ARHGEF3: variants seen among roughly 807,000 people sequenced by gnomAD.
ARHGEF3 encodes Rho guanine nucleotide exchange factor 3.
Under a neutral mutation model 63.2 loss-of-function variants are expected in ARHGEF3, and 28 were observed. The observed-to-expected ratio is 0.44, with a 90% CI of 0.33 to 0.61. The LOEUF is 0.61. Among genes scored for constraint, ARHGEF3 ranks in the 20% least tolerant of loss-of-function variants. ARHGEF3 has a pLI of 0.03. For synonymous variants in ARHGEF3, 266 were observed against 254.2 expected (o/e 1.05, Z -0.44); for missense variants, 533 against 659.3 (o/e 0.81, Z 2.10).
intron 1 of ARHGEF3, among the ~76,000 whole-genome samples, chr3:57,067,267 C>G (rs1035849356): frequency 6.6e-6 from 1 of 151,504 alleles, no homozygotes; most frequent in African/African-American, 2.4e-5. Context: ...CTGGCTAACA[C>G]GGTGAAACCC....
intron 3 of ARHGEF3, among the ~76,000 whole-genome samples, chr3:56,928,112 C>T (rs1161371224): frequency 4.6e-5 from 7 of 152,136 alleles, no homozygotes; most frequent in Admixed American, 4.6e-4. Flanking sequence ...GAGTATTAAC[C>T]AACATGTGTG....
chr3:56,732,964 A>G (rs973615607), intron 8 of ARHGEF3, among the ~76,000 whole-genome samples: 1 of 152,064 alleles, frequency 6.6e-6, no homozygotes, highest in Non-Finnish European at 1.5e-5. Flanking sequence ...GCTGGCCAAC[A>G]TGGTGAAACC....
At chr3:56,774,730 T>A (rs1254711384) in intron 1 of ARHGEF3, among the ~76,000 whole-genome samples, 1 of 151,896 alleles carries the variant, frequency 6.6e-6, no homozygotes, top group Non-Finnish European at 1.5e-5. Context: ...TGAAACTACA[T>A]CTCTACTAAA....
At chr3:56,967,929 A>T (rs191872470) in intron 2 of ARHGEF3, among the ~76,000 whole-genome samples, 8,698 of 71,692 alleles carry the variant, frequency 0.12, 601 homozygotes, top group East Asian at 0.24. Context: ...TATTATATAT[A>T]ATATAAAATA....
chr3:57,007,034 G>A (rs1377682009), intron 2 of ARHGEF3: 1 of 659,528 alleles, frequency 1.5e-6, no homozygotes, highest in Non-Finnish European at 2.1e-6. Context: ...CGCTCCTGGG[G>A]CGATGGTCAC....
chr3:56,999,483 G>A (rs150783785), intron 2 of ARHGEF3, among the ~76,000 whole-genome samples: 4 of 152,166 alleles, frequency 2.6e-5, no homozygotes, highest in East Asian at 3.9e-4. Context: ...TATAACCTTC[G>A]TGAAGTGGGA....
At chr3:57,012,970 C>A (rs1460383946) in intron 2 of ARHGEF3, among the ~76,000 whole-genome samples, 2 of 152,238 alleles carry the variant, frequency 1.3e-5, no homozygotes, top group Non-Finnish European at 2.9e-5. Flanking sequence ...AGGCCCTGCA[C>A]TCCTGCTGGC....
chr3:56,954,519 T>A (rs1382494441), intron 3 of ARHGEF3, among the ~76,000 whole-genome samples: 1 of 152,180 alleles, frequency 6.6e-6, no homozygotes, highest in African/African-American at 2.4e-5. Context: ...GGTTTTCTCC[T>A]ACTGTTCCTT....
At chr3:56,997,489 C>T (rs1348336862) in intron 2 of ARHGEF3, among the ~76,000 whole-genome samples, 2 of 152,096 alleles carry the variant, frequency 1.3e-5, no homozygotes, top group African/African-American at 4.8e-5. Flanking sequence ...GCAAACTCTG[C>T]CCCCCTAAGA....
chr3:57,006,743 C>T (rs1267239996), intron 2 of ARHGEF3, among the ~76,000 whole-genome samples: 1 of 151,964 alleles, frequency 6.6e-6, no homozygotes, highest in Non-Finnish European at 1.5e-5. Context: ...GCTCTCGACA[C>T]CCCCCCAAAC....
chr3:57,070,905 G>A (rs561796554), intron 1 of ARHGEF3, among the ~76,000 whole-genome samples: 2 of 149,816 alleles, frequency 1.3e-5, no homozygotes, highest in Non-Finnish European at 3.0e-5. Context: ...CCAGGAGGTC[G>A]AGGCTACAGT....
chr3:57,073,677 G>GC (rs1242578934), intron 1 of ARHGEF3: 2 of 1,599,712 alleles, frequency 1.3e-6, no homozygotes, highest in Admixed American at 3.5e-5. Flanking sequence ...GGAGAATTCT[G>GC]TTTTTGACTT....
At position 56,728,672 on chromosome 3, in the gene ARHGEF3, G is replaced by C. The variant is rs573969220; in HGVS notation, c.*598C>G. The C allele has an allele frequency of 6.5e-6, 1 of 152,766 alleles. No homozygotes were observed. Among genetic ancestry groups the C allele is most frequent in the South Asian group, 2.1e-4 (1 of 4,844 alleles). 9.5% of individuals were successfully genotyped at this position (152,766 alleles called of 1,614,324 possible). On this transcript the variant is annotated 3_prime_UTR_variant, in exon 10 of 10. Transcript: ENST00000296315. ...TTCTTGCATCAAACTTGCACTGGAT[G>C]AAGTTGCAAAGTTCAGACAATGCAT... is the stretch of plus-strand genomic sequence containing the variant.
intron 1 of ARHGEF3, among the ~76,000 whole-genome samples, chr3:56,794,937 C>T (rs764818235): frequency 6.6e-6 from 1 of 152,098 alleles, no homozygotes; most frequent in Non-Finnish European, 1.5e-5. Flanking sequence ...CAGCTCATTG[C>T]AGCCTCAAAC....
At chr3:56,873,389 C>T (rs1250955291) in intron 4 of ARHGEF3, among the ~76,000 whole-genome samples, 30 of 152,100 alleles carry the variant, frequency 2.0e-4, no homozygotes, top group Non-Finnish European at 4.4e-5. Flanking sequence ...TTCTCCCCCG[C>T]TCCACTCTCT....
chr3:56,916,446 A>G, intron 3 of ARHGEF3: 1 of 1,389,050 alleles, frequency 7.2e-7, no homozygotes, highest in East Asian at 2.9e-5. Context: ...CCCTGAAGGA[A>G]CTCCTCCCCG....
At chr3:56,941,854 T>C (rs190029875) in intron 3 of ARHGEF3, among the ~76,000 whole-genome samples, 1 of 152,336 alleles carries the variant, frequency 6.6e-6, no homozygotes, top group East Asian at 1.9e-4. Flanking sequence ...TCTTTAGTTA[T>C]GGTTTAAATC....
intron 3 of ARHGEF3, among the ~76,000 whole-genome samples, chr3:56,945,538 A>G (rs1190877671): frequency 2.6e-5 from 4 of 152,120 alleles, no homozygotes; most frequent in African/African-American, 7.2e-5. Flanking sequence ...GCAGTCTGAG[A>G]TCAAACTGCA....
chr3:56,932,005 T>G (rs988494636), intron 3 of ARHGEF3, among the ~76,000 whole-genome samples: 5 of 152,184 alleles, frequency 3.3e-5, no homozygotes, highest in Admixed American at 1.3e-4. Flanking sequence ...TTCCTCCAAG[T>G]TCACTTTTAC....
Sources: allele counts gnomAD v4.1 joint callset (sites outside exome capture counted in the v4.1 genomes callset), GRCh38; gene constraint gnomAD v4.1.1; transcripts MANE v1.5; gene names NCBI Gene and HGNC (gene_info 2026-07-23, HGNC 2026-07-21).